SOCS7: variants seen among roughly 807,000 people sequenced by gnomAD.
SOCS7 encodes suppressor of cytokine signaling 7, also known as NAP-4.
A neutral mutation model predicts 58.9 loss-of-function variants in SOCS7; 18 were observed. The observed-to-expected ratio is 0.31, with a 90% CI of 0.21 to 0.45. The LOEUF is 0.45. Among genes scored for constraint, SOCS7 ranks in the 20% least tolerant of loss-of-function variants. The pLI is 1.00. For synonymous variants in SOCS7, 388 were observed against 364.3 expected (o/e 1.06, Z -0.74); for missense variants, 667 against 837.3 (o/e 0.80, Z 2.51).
chr17:38,365,197 G>A, intron 3 of SOCS7, 111 bp from the exon 4 acceptor site: 1 of 750,938 alleles, frequency 1.3e-6, no homozygotes, highest in Non-Finnish European at 2.1e-6. Flanking sequence ...TGAAGGTTGG[G>A]CCATCCTGCC....
chr17:38,387,133 G>GTGTATGTATATATATATA lies in SOCS7; in HGVS notation c.1682-8175_1682-8174insGTATGTATATATATATAT, dbSNP rs1269515665. Among the ~76,000 whole-genome samples the GTGTATGTATATATATATA allele has an allele frequency of 2.1e-3, 151 of 73,412 alleles. 2 individuals carry two copies. Among genetic ancestry groups the GTGTATGTATATATATATA allele is most frequent in the Admixed American group, 3.7e-3 (23 of 6,242 alleles). 48.2% of individuals were successfully genotyped at this position (73,412 alleles called of 152,430 possible). On this transcript the variant is annotated intron_variant, in intron 7 of 9. Coordinates refer to ENST00000612932, the MANE Select transcript of SOCS7 (RefSeq NM_014598.4). ...TATATATATATATATATATATGTAT[G>GTGTATGTATATATATATA]TATATATATATATATATATGATTAA...
At chr17:38,396,206 A>C (rs2038243470) in intron 9 of SOCS7, among the ~76,000 whole-genome samples, 1 of 152,252 alleles carries the variant, frequency 6.6e-6, no homozygotes, top group Non-Finnish European at 1.5e-5. Context: ...AAAGACAAGA[A>C]AGTAGATTGC....
chr17:38,377,902 A>G, intron 7 of SOCS7, 60 bp downstream of exon 7: 1 of 1,517,952 alleles, frequency 6.6e-7, no homozygotes, highest in Non-Finnish European at 9.0e-7. Flanking sequence ...GTTTAGTGTC[A>G]AAAAACACCA....
intron 7 of SOCS7, among the ~76,000 whole-genome samples, chr17:38,391,723 CTTG>C (rs2038175491): frequency 6.6e-6 from 1 of 152,108 alleles, no homozygotes; most frequent in South Asian, 2.1e-4. Context: ...TGACCTTGTG[CTTG>C]TTTTTTTCTT....
chr17:38,389,892 TATATATACAC>T lies in SOCS7; in HGVS notation c.1682-5411_1682-5402del, dbSNP rs1416603590. Among the ~76,000 whole-genome samples, 12 of 93,318 alleles carry T rather than the reference TATATATACAC, an allele frequency of 1.3e-4. 2 individuals carry two copies. Among genetic ancestry groups the T allele is most frequent in the African/African-American group, 7.6e-4 (12 of 15,848 alleles). The allele number at this position is 93,318 out of a possible 152,430, so 61.2% of individuals were successfully genotyped here. On this transcript the variant is annotated intron_variant, in intron 7 of 9. Coordinates refer to ENST00000612932, the MANE Select transcript of SOCS7 (RefSeq NM_014598.4). ...ACATATATATATATATGTACATATA[TATATATACAC>T]ATATAGAGAGAGAGAGAGAGAGAGA... is the stretch of plus-strand genomic sequence containing the variant.
Position 38,352,390 on chromosome 17 carries a change from C to T in SOCS7, c.338C>T (p.Thr113Ile). ...CCGCCGGGCTTGGCGCTCGAGCGGA[C>T]CTGGGGCCCGGCGGCTGGACTAGAG... ...ALPPGLALERTWGPAAGLEAQ... is the reference protein window; with the variant it reads ...ALPPGLALERIWGPAAGLEAQ... Residue 113 changes from threonine to isoleucine, a missense_variant, in exon 1 of 10, where the codon ACC becomes ATC. Physicochemically the swap from Thr to Ile is moderately conservative, Grantham distance 89. This residue lies in a region of SOCS7 where 154 missense variants were observed against 156.3 expected (regional missense o/e 0.98). Transcript: ENST00000612932. This position sits in a 1 kb window ranked among gnomAD's most constrained non-coding sequence, Gnocchi z 5.5. The T allele has an allele frequency of 6.9e-7, 1 of 1,442,482 alleles. No homozygotes were observed. The highest frequency in any genetic ancestry group is 9.0e-7 in the Non-Finnish European group (1 of 1,107,922). 89.4% of individuals were successfully genotyped at this position (1,442,482 alleles called of 1,614,324 possible).
chr17:38,375,364 T>C (rs2037917829), intron 6 of SOCS7, among the ~76,000 whole-genome samples: 1 of 152,122 alleles, frequency 6.6e-6, no homozygotes, highest in East Asian at 1.9e-4. Context: ...GTCTATTTGG[T>C]TTGAAAACAA....
chr17:38,381,592 A>G (rs2038000848), intron 7 of SOCS7, among the ~76,000 whole-genome samples: 1 of 152,076 alleles, frequency 6.6e-6, no homozygotes, highest in Admixed American at 6.6e-5. Flanking sequence ...ACTGAGGTCC[A>G]GTGAGTTGCA....
chr17:38,361,236 C>G (rs1172478400), intron 1 of SOCS7, among the ~76,000 whole-genome samples: 1 of 152,250 alleles, frequency 6.6e-6, no homozygotes, highest in African/African-American at 2.4e-5. Flanking sequence ...GCACATGCAT[C>G]CTGCAGTGCT....
At chr17:38,395,284 C>T in intron 7 of SOCS7, 25 bp from the exon 8 acceptor site, 1 of 1,612,342 alleles carries the variant, frequency 6.2e-7, no homozygotes, top group Non-Finnish European at 8.5e-7. Flanking sequence ...CCTCTGAATA[C>T]TTTCCTTTGT....
intron 1 of SOCS7, among the ~76,000 whole-genome samples, chr17:38,358,288 A>C (rs1037157795): frequency 6.6e-6 from 1 of 152,200 alleles, no homozygotes; most frequent in Non-Finnish European, 1.5e-5. Context: ...TGTAGTATAG[A>C]GGGTTAGTTT....
At chr17:38,367,621 G>A (rs964796934) in intron 5 of SOCS7, among the ~76,000 whole-genome samples, 1 of 152,154 alleles carries the variant, frequency 6.6e-6, no homozygotes, top group South Asian at 2.1e-4. Context: ...TGATCCACCC[G>A]CCTCAGCCTC....
rs2038080730 is a variant in SOCS7 at position 38,387,105 on chromosome 17, ATAT to A, written c.1682-8203_1682-8201del. The stretch of plus-strand genomic sequence containing the variant: ...CTTAAAAAAAAAAAAAAAAAAAAAT[ATAT>A]ATATATATATATATATATATGTATG... On this transcript the variant is annotated intron_variant, in intron 7 of 9. Coordinates refer to ENST00000612932, the MANE Select transcript of SOCS7 (RefSeq NM_014598.4). Among the ~76,000 whole-genome samples the A allele has an allele frequency of 3.1e-4, 14 of 44,858 alleles. No homozygotes were observed. The East Asian group carries it at 3.6e-3, about 11-fold the overall frequency. The allele number at this position is 44,858 out of a possible 152,430, so 29.4% of individuals were successfully genotyped here. A position where few individuals can be genotyped will look rare whatever the true frequency, so the allele number is the denominator to read the frequency against.
chr17:38,389,874 TATATATATGTAC>T (rs1567750868), intron 7 of SOCS7, among the ~76,000 whole-genome samples: 3 of 113,478 alleles, frequency 2.6e-5, no homozygotes, highest in Admixed American at 1.9e-4. Context: ...TGTACATATA[TATATATATGTAC>T]ATATATATAT....
chr17:38,352,542 G>T lies in SOCS7; in HGVS notation c.490G>T (p.Ala164Ser). Residue 164 changes from alanine (A) to serine (S), a missense_variant, in exon 1 of 10, where the codon GCC (alanine) becomes TCC (serine). Physicochemically the swap from Ala to Ser is moderately conservative, Grantham distance 99. This residue lies in a region of SOCS7 where 154 missense variants were observed against 156.3 expected (regional missense o/e 0.98). Coordinates refer to ENST00000612932, the MANE Select transcript of SOCS7 (RefSeq NM_014598.4). This position sits in a 1 kb window ranked among gnomAD's most constrained non-coding sequence, Gnocchi z 5.5. ...PPPQPQPPAA[A>S]PQAGEDPTET... ...TCCGCAGCCCCAGCCGCCTGCTGCC[G>T]CCCCGCAGGCCGGGGAGGACCCCAC... The T allele has an allele frequency of 1.9e-6, 3 of 1,548,504 alleles. No homozygotes were observed. In the South Asian group the frequency reaches 3.6e-5, roughly 18 times the overall value.
intron 7 of SOCS7, 48 bp downstream of exon 7, chr17:38,377,890 C>T: frequency 6.3e-7 from 1 of 1,575,336 alleles, no homozygotes; most frequent in South Asian, 1.2e-5. Context: ...GGGTATGATC[C>T]AGTTTAGTGT....
intron 8 of SOCS7, 37 bp from the exon 9 acceptor site, chr17:38,395,811 A>T: frequency 6.3e-7 from 1 of 1,599,258 alleles, no homozygotes; most frequent in Non-Finnish European, 8.5e-7. Flanking sequence ...TTTTGTATAA[A>T]AACCTTTTGT....
intron 1 of SOCS7, among the ~76,000 whole-genome samples, chr17:38,358,583 GTT>G (rs58125108): frequency 2.2e-5 from 3 of 139,104 alleles, no homozygotes; most frequent in African/African-American, 2.6e-5. Flanking sequence ...CTTTGTTGTT[GTT>G]TTTTTTTTTT....
chr17:38,353,128 G>A (rs1425066150), intron 1 of SOCS7, 96 bp downstream of exon 1: 4 of 1,188,998 alleles, frequency 3.4e-6, no homozygotes, highest in Non-Finnish European at 4.6e-6. Context: ...TCTTAAGATA[G>A]GGTCTTCAGG....
Sources: allele counts gnomAD v4.1 joint callset (sites outside exome capture counted in the v4.1 genomes callset), GRCh38; gene constraint gnomAD v4.1.1; regional missense constraint gnomAD v4.1.1; non-coding constraint Gnocchi (gnomAD v3.1); transcripts MANE v1.5; gene names NCBI Gene and HGNC (gene_info 2026-07-23, HGNC 2026-07-21).